CSMD1: variants seen among roughly 807,000 people sequenced by gnomAD.
The protein encoded by CSMD1 is CUB and sushi domain-containing protein 1.
Under a neutral mutation model 417.5 loss-of-function variants are expected in CSMD1, and 213 were observed. The ratio of observed to expected loss-of-function variants is 0.51; its 90% CI spans 0.46 to 0.57. The LOEUF is 0.57. Among genes scored for constraint, CSMD1 ranks in the 20% least tolerant of loss-of-function variants. The pLI is 0.00. For synonymous variants in CSMD1, 2,862 were observed against 1,736.8 expected (o/e 1.65, Z -16.11); for missense variants, 6,923 against 4,529.7 (o/e 1.53, Z -15.17).
intron 5 of CSMD1, among the ~76,000 whole-genome samples, chr8:3,897,690 T>C (rs1316328516): frequency 6.6e-6 from 1 of 152,168 alleles, no homozygotes; most frequent in Admixed American, 6.5e-5. Context: ...CAACTTCCTT[T>C]ATCATGCCCA....
At chr8:4,648,110 G>T (rs542142982) in intron 1 of CSMD1, among the ~76,000 whole-genome samples, 2 of 152,236 alleles carry the variant, frequency 1.3e-5, no homozygotes, top group East Asian at 3.9e-4. Flanking sequence ...TTGCCATTCT[G>T]ACTGGCATGA....
At chr8:4,354,957 C>T (rs1801326749) in intron 3 of CSMD1, among the ~76,000 whole-genome samples, 1 of 150,874 alleles carries the variant, frequency 6.6e-6, no homozygotes, top group African/African-American at 2.4e-5. Flanking sequence ...GAATTCCACC[C>T]AAACCCATGT....
chr8:3,511,951 T>C lies in CSMD1; in HGVS notation c.1345-18225A>G, dbSNP rs535334378. ...GTTATATGATGATTTTTGGTAAAAG[T>C]TTTCACCTGCAGTTTTACAGTCACA... On this transcript the variant is annotated intron_variant, in intron 10 of 69. Coordinates refer to ENST00000635120, the MANE Select transcript of CSMD1 (RefSeq NM_033225.6). 1.7e-4 allele frequency among the ~76,000 whole-genome samples: 25 copies of C among 151,412 alleles called. No individual in the cohort carries two copies. The East Asian group carries it at 4.3e-3, about 26-fold the overall frequency.
intron 28 of CSMD1, among the ~76,000 whole-genome samples, chr8:3,222,709 T>C (rs570950767): frequency 6.6e-6 from 1 of 152,122 alleles, no homozygotes; most frequent in Non-Finnish European, 1.5e-5. Flanking sequence ...CACATAGATA[T>C]CTAAAAAATA....
chr8:3,300,360 G>A (rs1563244624), intron 25 of CSMD1, among the ~76,000 whole-genome samples: 2 of 150,686 alleles, frequency 1.3e-5, no homozygotes, highest in African/African-American at 4.9e-5. Context: ...TACATTTAGG[G>A]GTTTTTTTTT....
At chr8:3,421,930 GCCCGGC>G (rs1563372441) in intron 12 of CSMD1, among the ~76,000 whole-genome samples, 48 of 151,592 alleles carry the variant, frequency 3.2e-4, no homozygotes, top group African/African-American at 1.1e-3. Flanking sequence ...GAGCCACGGC[GCCCGGC>G]CCCACAGATG....
At chr8:3,866,578 C>G (rs1585112580) in intron 5 of CSMD1, among the ~76,000 whole-genome samples, 1 of 151,856 alleles carries the variant, frequency 6.6e-6, no homozygotes, top group Non-Finnish European at 1.5e-5. Flanking sequence ...ATGACACTAG[C>G]CACTGAAAAC....
chr8:4,260,320 C>A (rs1563351314), intron 3 of CSMD1, among the ~76,000 whole-genome samples: 1 of 152,124 alleles, frequency 6.6e-6, no homozygotes, highest in Non-Finnish European at 1.5e-5. Flanking sequence ...TATGATGTGT[C>A]TGTTTTTATT....
intron 4 of CSMD1, among the ~76,000 whole-genome samples, chr8:4,023,416 G>C (rs1226166197): frequency 6.6e-6 from 1 of 152,062 alleles, no homozygotes; most frequent in Non-Finnish European, 1.5e-5. Flanking sequence ...ATTTCATTAT[G>C]AATAATTGAG....
intron 21 of CSMD1, among the ~76,000 whole-genome samples, chr8:3,356,981 G>T (rs1303803444): frequency 1.3e-5 from 2 of 152,090 alleles, no homozygotes; most frequent in African/African-American, 4.8e-5. Context: ...CGGCCCCTGG[G>T]GTTGGTGGGG....
intron 10 of CSMD1, among the ~76,000 whole-genome samples, chr8:3,513,174 T>C (rs1797149886): frequency 6.6e-6 from 1 of 152,096 alleles, no homozygotes; most frequent in Non-Finnish European, 1.5e-5. Flanking sequence ...GCCTAGACTT[T>C]ACTCTGGCAA....
At chr8:3,237,748 T>C (rs1362061627) in intron 26 of CSMD1, among the ~76,000 whole-genome samples, 9 of 128,524 alleles carry the variant, frequency 7.0e-5, no homozygotes, top group African/African-American at 2.4e-4. Flanking sequence ...TTTATAATTA[T>C]ACTTATACTA....
At chr8:3,167,704 T>A (rs762117141) in intron 37 of CSMD1, among the ~76,000 whole-genome samples, 3 of 152,162 alleles carry the variant, frequency 2.0e-5, no homozygotes, top group Admixed American at 6.5e-5. Context: ...AACACAGCCA[T>A]TAAGAAGATG....
At chr8:4,763,565 G>A (rs1055758334) in intron 1 of CSMD1, among the ~76,000 whole-genome samples, 5 of 152,088 alleles carry the variant, frequency 3.3e-5, no homozygotes, top group Non-Finnish European at 7.4e-5. Context: ...CAGATCTATT[G>A]TCTTACTTGC....
intron 25 of CSMD1, 60 bp downstream of exon 25, chr8:3,307,635 T>TACAAGAATA: frequency 1.9e-6 from 3 of 1,545,908 alleles, no homozygotes; most frequent in Non-Finnish European, 2.7e-6. Flanking sequence ...CTATCTCTGC[T>TACAAGAATA]ACAAGAATAG....
intron 1 of CSMD1, among the ~76,000 whole-genome samples, chr8:4,765,682 G>T (rs1157197984): frequency 6.6e-6 from 1 of 152,200 alleles, no homozygotes; most frequent in Non-Finnish European, 1.5e-5. Context: ...TGGAGCAAAC[G>T]AAGGAGTGGC....
At chr8:4,476,573 CA>C (rs1384527444) in intron 2 of CSMD1, among the ~76,000 whole-genome samples, 2 of 152,092 alleles carry the variant, frequency 1.3e-5, no homozygotes, top group African/African-American at 4.8e-5. Context: ...AAAACATAAT[CA>C]AATAGGTCTC....
intron 3 of CSMD1, among the ~76,000 whole-genome samples, chr8:4,220,557 T>C (rs188318622): frequency 6.6e-6 from 1 of 152,274 alleles, no homozygotes; most frequent in Admixed American, 6.5e-5. Context: ...CAATTTTAGG[T>C]TTTGTGTGAA....
At chr8:3,583,628 T>A (rs1800474960) in intron 9 of CSMD1, among the ~76,000 whole-genome samples, 1 of 151,890 alleles carries the variant, frequency 6.6e-6, no homozygotes, top group Admixed American at 6.6e-5. Context: ...AGACATAAAC[T>A]GAGGGGAGGA....
Sources: allele counts gnomAD v4.1 joint callset (sites outside exome capture counted in the v4.1 genomes callset), GRCh38; gene constraint gnomAD v4.1.1; transcripts MANE v1.5; gene names NCBI Gene and HGNC (gene_info 2026-07-23, HGNC 2026-07-21).